Variants in PIK3R3 observed in about 807,000 individuals in gnomAD.
The protein encoded by PIK3R3 is phosphatidylinositol 3-kinase regulatory subunit gamma.
PIK3R3 carries 64 observed loss-of-function variants against 62.9 expected under a neutral mutation model. That is an observed-to-expected ratio of 1.02 (90% CI 0.83 to 1.25). The LOEUF (loss-of-function observed/expected upper bound fraction) is 1.25, where lower values mean the gene tolerates loss of function less well. PIK3R3 is among the 50% of genes most tolerant of loss of function. PIK3R3 has a pLI of 0.00. For missense variants in PIK3R3, 614 were observed against 561.6 expected (o/e 1.09, Z -0.94); for synonymous variants, 165 against 189.0 (o/e 0.87, Z 1.04).
chr1:46,107,963 C>T (rs966410411), intron 1 of PIK3R3, among the ~76,000 whole-genome samples: 1 of 152,170 alleles, frequency 6.6e-6, no homozygotes, highest in Non-Finnish European at 1.5e-5. Context: ...AAATCTGTGA[C>T]CCTGAACAAT....
chr1:46,065,255 G>A (rs983932211), intron 5 of PIK3R3, among the ~76,000 whole-genome samples: 2 of 152,102 alleles, frequency 1.3e-5, no homozygotes, highest in African/African-American at 4.8e-5. Flanking sequence ...ACCAATCCAA[G>A]TCTAGCTAAA....
In PIK3R3 at chr1:46,040,746, C is replaced by T. The variant is rs568283114; in HGVS notation, c.*2927G>A. 2 of 197,132 alleles carry T rather than the reference C, an allele frequency of 1.0e-5. No homozygotes were observed. Among genetic ancestry groups the T allele is most frequent in the African/African-American group, 2.3e-5 (1 of 43,266 alleles). The allele number at this position is 197,132 out of a possible 1,614,324, so 12.2% of individuals were successfully genotyped here. On this transcript the variant is annotated 3_prime_UTR_variant, in exon 10 of 10. Coordinates refer to ENST00000262741, the MANE Select transcript of PIK3R3 (RefSeq NM_003629.4). ...AAGAGACCCGTGGAAGACACATTGGCTCTCAAAGCTTCTTCAAAGCACATG... is the reference window on the plus strand; with the variant it reads ...AAGAGACCCGTGGAAGACACATTGGTTCTCAAAGCTTCTTCAAAGCACATG...
In PIK3R3 at chr1:46,046,490, A is replaced by G. The variant is rs1647119527; in HGVS notation, c.1016+61T>C. 37 of 1,064,772 alleles carry G rather than the reference A, an allele frequency of 3.5e-5. No homozygotes were observed. The South Asian group carries it at 4.2e-4, about 12-fold the overall frequency. 66.0% of individuals were successfully genotyped at this position (1,064,772 alleles called of 1,614,324 possible). On this transcript the variant is annotated intron_variant, in intron 8 of 9. Transcript: ENST00000262741. ...CAACCAATATTTACCACGTATAAAC[A>G]AGGCGCATGTCTTATATTGATAACA...
intron 1 of PIK3R3, among the ~76,000 whole-genome samples, chr1:46,124,826 GGT>G (rs1654959017): frequency 1.5e-5 from 2 of 131,778 alleles, no homozygotes; most frequent in Admixed American, 1.5e-4. Context: ...GGCCGGGCGT[GGT>G]GGCTCACACC....
chr1:46,147,668 G>A, the PIK3R3 span, among the ~76,000 whole-genome samples: 13 of 150,130 alleles, frequency 8.7e-5, no homozygotes, highest in South Asian at 4.2e-4. Context: ...CTCGTGATCC[G>A]CCCACCTTGG....
intron 3 of PIK3R3, among the ~76,000 whole-genome samples, chr1:46,076,812 T>C (rs961600772): frequency 6.6e-6 from 1 of 152,146 alleles, no homozygotes; most frequent in Admixed American, 6.5e-5. Flanking sequence ...CCTCATAAGG[T>C]TGTTGTGAAG....
At position 46,057,693 on chromosome 1, in the gene PIK3R3, G is replaced by C. The variant is rs1269363995; in HGVS notation, c.765-1722C>G. On this transcript the variant is annotated intron_variant, in intron 6 of 9. Transcript: ENST00000262741. The stretch of plus-strand genomic sequence containing the variant: ...CTGCCCTAGAGATTTGTGGAACTTT[G>C]AACTTGAGGGAGATGATTTAGGATA... Among the ~76,000 whole-genome samples, 3 of 152,202 alleles carry C rather than the reference G, an allele frequency of 2.0e-5. No homozygotes were observed. In the East Asian group the frequency reaches 5.8e-4, roughly 29 times the overall value.
intron 7 of PIK3R3, among the ~76,000 whole-genome samples, chr1:46,049,211 C>T (rs1235839037): frequency 1.3e-5 from 2 of 150,356 alleles, no homozygotes; most frequent in African/African-American, 2.4e-5. Context: ...TTAAAAATAG[C>T]TGGTGTTAGC....
chr1:46,120,551 G>A (rs560256720), intron 1 of PIK3R3, among the ~76,000 whole-genome samples: 7 of 152,240 alleles, frequency 4.6e-5, no homozygotes, highest in African/African-American at 1.4e-4. Context: ...CCAGCCTGGC[G>A]ACAGAGGGAG....
chr1:46,054,131 T>C (rs1422851753), intron 7 of PIK3R3, among the ~76,000 whole-genome samples: 2 of 152,096 alleles, frequency 1.3e-5, no homozygotes, highest in African/African-American at 4.8e-5. Context: ...CAGTAGCTCA[T>C]GCCTATAATC....
intron 1 of PIK3R3, among the ~76,000 whole-genome samples, chr1:46,103,274 T>C (rs1370699559): frequency 6.6e-6 from 1 of 152,114 alleles, no homozygotes; most frequent in Non-Finnish European, 1.5e-5. Context: ...CACTTAACAA[T>C]ACACTTGAAA....
In PIK3R3 at chr1:46,132,268, C is replaced by A. The variant is rs1655680682; in HGVS notation, c.-316G>T. ...AAATCCTTTCTACACAGTCGCTCTCCGGGGAGAAAAGCTCCCACCGCCTCC... is the reference window on the plus strand; with the variant it reads ...AAATCCTTTCTACACAGTCGCTCTCAGGGGAGAAAAGCTCCCACCGCCTCC... On this transcript the variant is annotated 5_prime_UTR_variant, in exon 1 of 10. Coordinates refer to ENST00000262741, the MANE Select transcript of PIK3R3 (RefSeq NM_003629.4). 4.4e-6 allele frequency: 5 copies of A among 1,127,564 alleles called. No homozygotes were observed. In the South Asian group the frequency reaches 6.8e-5, roughly 15 times the overall value. 69.8% of individuals were successfully genotyped at this position (1,127,564 alleles called of 1,614,324 possible).
intron 1 of PIK3R3, among the ~76,000 whole-genome samples, chr1:46,094,043 T>C (rs997000613): frequency 6.6e-6 from 1 of 150,720 alleles, no homozygotes; most frequent in Non-Finnish European, 1.5e-5. Context: ...CACTCCAGAC[T>C]GGGCAACAGA....
At chr1:46,143,434 G>C in the PIK3R3 span, among the ~76,000 whole-genome samples, 111,000 of 150,332 alleles carry the variant, frequency 0.74, 41,171 homozygotes, top group East Asian at 0.99. Flanking sequence ...GTATCCATTA[G>C]GTTTGAGTGT....
At chr1:46,111,521 T>C (rs1224206668) in intron 1 of PIK3R3, among the ~76,000 whole-genome samples, 1 of 152,132 alleles carries the variant, frequency 6.6e-6, no homozygotes, top group African/African-American at 2.4e-5. Context: ...AGGCCAGGAA[T>C]TCAAGACCAG....
upstream of PIK3R3, chr1:46,134,505 A>G (rs1655857862): frequency 1.3e-5 from 2 of 152,256 alleles, no homozygotes; most frequent in African/African-American, 4.8e-5. Flanking sequence ...CTCATTAATT[A>G]TAATTTCCTG....
At chr1:46,129,231 T>C (rs966993417) in intron 1 of PIK3R3, among the ~76,000 whole-genome samples, 6 of 152,202 alleles carry the variant, frequency 3.9e-5, no homozygotes, top group African/African-American at 1.4e-4. Context: ...GTAACTATTG[T>C]GAGTGAAAGG....
intron 3 of PIK3R3, among the ~76,000 whole-genome samples, 183 bp from the exon 4 acceptor site, chr1:46,067,274 AT>A (rs1557574712): frequency 2.7e-5 from 4 of 147,792 alleles, no homozygotes; most frequent in Admixed American, 1.4e-4. Flanking sequence ...ATATATATAT[AT>A]ATAATTCATT....
Position 46,132,624 on chromosome 1 carries a change from C to T in PIK3R3, c.-672G>A. ...CGACCGCACCAACTGCCCTCAAGCT[C>T]TGCCCGGACTCCAGCCACTAGAGTT... On this transcript the variant is annotated 5_prime_UTR_variant, in exon 1 of 10. Transcript: ENST00000262741. 1.6e-6 allele frequency: 2 copies of T among 1,289,734 alleles called. No individual in the cohort carries two copies. The highest frequency in any genetic ancestry group is 2.5e-5 in the South Asian group (2 of 81,026). The allele number at this position is 1,289,734 out of a possible 1,614,324, so 79.9% of individuals were successfully genotyped here.
Sources: gnomAD v4.1 joint callset for allele counts (sites outside exome capture counted in the v4.1 genomes callset) on GRCh38, gnomAD v4.1.1 for gene constraint, MANE v1.5 for transcripts, NCBI Gene and HGNC (gene_info 2026-07-23, HGNC 2026-07-21) for gene names.